Variants in NBEA observed in about 807,000 individuals in gnomAD.
The protein encoded by NBEA is lysosomal-trafficking regulator 2.
A neutral mutation model predicts 343.4 loss-of-function variants in NBEA; 44 were observed. The ratio of observed to expected loss-of-function variants is 0.13; its 90% CI spans 0.10 to 0.16. The LOEUF (loss-of-function observed/expected upper bound fraction) is 0.16, where lower values mean the gene tolerates loss of function less well. Ranked by LOEUF, NBEA falls within the 10% of genes least tolerant of loss-of-function variation. NBEA has a pLI of 1.00. For missense variants in NBEA, 2,555 were observed against 3,631.3 expected (o/e 0.70, Z 7.62); for synonymous variants, 1,175 against 1,238.7 (o/e 0.95, Z 1.08).
chr13:35,154,433 A>C (rs2152706785), intron 18 of NBEA, among the ~76,000 whole-genome samples: 1 of 152,350 alleles, frequency 6.6e-6, no homozygotes, highest in East Asian at 1.9e-4. Context: ...TTAAAGCTAA[A>C]CAGGAAATTA....
At chr13:35,048,787 G>T in intron 5 of NBEA, 103 bp downstream of exon 5, 2 of 628,220 alleles carry the variant, frequency 3.2e-6, no homozygotes, top group Non-Finnish European at 5.3e-6. Flanking sequence ...ATATATGTGC[G>T]TATAATATAT....
At chr13:35,589,315 A>C (rs2081422523) in intron 46 of NBEA, among the ~76,000 whole-genome samples, 2 of 152,112 alleles carry the variant, frequency 1.3e-5, no homozygotes, top group Non-Finnish European at 2.9e-5. Flanking sequence ...ATTTTCTCAG[A>C]TATAAAAGGG....
chr13:35,549,082 G>A (rs2153011641), intron 41 of NBEA, among the ~76,000 whole-genome samples: 1 of 152,286 alleles, frequency 6.6e-6, no homozygotes, highest in East Asian at 1.9e-4. Context: ...AAATAGCAGA[G>A]CCAAGAGTTA....
At chr13:34,994,958 A>G (rs1374852555) in intron 1 of NBEA, among the ~76,000 whole-genome samples, 3 of 152,198 alleles carry the variant, frequency 2.0e-5, no homozygotes, top group African/African-American at 7.2e-5. Flanking sequence ...ACATTGAAAC[A>G]CAAGGTCAGT....
chr13:34,995,541 A>G (rs2060910435), intron 1 of NBEA, among the ~76,000 whole-genome samples: 1 of 152,228 alleles, frequency 6.6e-6, no homozygotes, highest in Non-Finnish European at 1.5e-5. Context: ...GGCAGCCCTC[A>G]GAACTAGAAC....
chr13:35,224,437 C>T (rs984406665), intron 33 of NBEA, among the ~76,000 whole-genome samples: 6 of 152,134 alleles, frequency 3.9e-5, no homozygotes, highest in Admixed American at 1.3e-4. Context: ...GTGCACACTC[C>T]GTTTGAGTGT....
intron 38 of NBEA, among the ~76,000 whole-genome samples, chr13:35,375,621 G>A (rs1485920273): frequency 6.6e-6 from 1 of 151,988 alleles, no homozygotes; most frequent in African/African-American, 2.4e-5. Context: ...ACAGAGAAAG[G>A]GACATGCATG....
intron 6 of NBEA, among the ~76,000 whole-genome samples, chr13:35,054,335 AC>A (rs2152565308): frequency 6.6e-6 from 1 of 152,052 alleles, no homozygotes; most frequent in Non-Finnish European, 1.5e-5. Context: ...TTTATTTGAC[AC>A]TCTTTTTACG....
intron 34 of NBEA, among the ~76,000 whole-genome samples, chr13:35,289,731 A>G (rs1414238053): frequency 6.6e-6 from 1 of 151,912 alleles, no homozygotes; most frequent in Non-Finnish European, 1.5e-5. Flanking sequence ...TGCCCAGCAC[A>G]TGCTAAGTGA....
At chr13:35,623,546 A>G (rs550223415) in intron 48 of NBEA, among the ~76,000 whole-genome samples, 14 of 152,276 alleles carry the variant, frequency 9.2e-5, no homozygotes, top group African/African-American at 3.1e-4. Flanking sequence ...AATAAAAAAG[A>G]CAAAATTATT....
chr13:35,310,061 A>T (rs1358900187), intron 36 of NBEA, among the ~76,000 whole-genome samples: 1 of 152,068 alleles, frequency 6.6e-6, no homozygotes, highest in South Asian at 2.1e-4. Context: ...AGAAATTTGT[A>T]TATTCTATTA....
At chr13:35,450,187 G>A (rs1352971632) in intron 39 of NBEA, among the ~76,000 whole-genome samples, 2 of 152,092 alleles carry the variant, frequency 1.3e-5, no homozygotes, top group African/African-American at 2.4e-5. Flanking sequence ...GCAAGAAAAT[G>A]GTTGAGGCTG....
At chr13:35,099,702 A>G (rs1438316868) in intron 11 of NBEA, among the ~76,000 whole-genome samples, 1 of 152,114 alleles carries the variant, frequency 6.6e-6, no homozygotes, top group Non-Finnish European at 1.5e-5. Flanking sequence ...TGATCTACGC[A>G]TAATATAAAC....
intron 39 of NBEA, among the ~76,000 whole-genome samples, chr13:35,445,566 A>G (rs1055898746): frequency 1.3e-5 from 2 of 151,808 alleles, no homozygotes; most frequent in African/African-American, 4.8e-5. Context: ...TCTCCCACTT[A>G]TGAGGAAACT....
intron 10 of NBEA, among the ~76,000 whole-genome samples, chr13:35,073,563 C>A (rs2063971838): frequency 6.6e-6 from 1 of 152,028 alleles, no homozygotes; most frequent in African/African-American, 2.4e-5. Context: ...TTCATTGTTT[C>A]TTAAGCCTTA....
At chr13:35,466,995 TC>T (rs1233170584) in intron 40 of NBEA, among the ~76,000 whole-genome samples, 27 of 152,058 alleles carry the variant, frequency 1.8e-4, no homozygotes, top group Non-Finnish European at 3.4e-4. Flanking sequence ...TTCTAGAACT[TC>T]CCCCCTCCAT....
intron 35 of NBEA, among the ~76,000 whole-genome samples, chr13:35,305,462 G>A (rs761898980): frequency 2.6e-5 from 4 of 152,134 alleles, no homozygotes; most frequent in Non-Finnish European, 5.9e-5. Context: ...CGCTTTTGGT[G>A]TGTTTGCATT....
At chr13:35,484,272 G>GTA (rs1384334234) in intron 41 of NBEA, among the ~76,000 whole-genome samples, 47 of 114,912 alleles carry the variant, frequency 4.1e-4, no homozygotes, top group African/African-American at 1.3e-3. Flanking sequence ...GTGTGTGTGT[G>GTA]TGTATATATA....
At chr13:35,387,068 G>T (rs1009402825) in intron 38 of NBEA, among the ~76,000 whole-genome samples, 5 of 152,036 alleles carry the variant, frequency 3.3e-5, no homozygotes, top group African/African-American at 1.2e-4. Context: ...ATAAGACTAA[G>T]CTCTATCTTA....
Sources: allele counts gnomAD v4.1 joint callset (sites outside exome capture counted in the v4.1 genomes callset), GRCh38; gene constraint gnomAD v4.1.1; transcripts MANE v1.5; gene names NCBI Gene and HGNC (gene_info 2026-07-23, HGNC 2026-07-21).